PPP2R2A: variants seen among roughly 807,000 people sequenced by gnomAD.
PPP2R2A encodes serine/threonine-protein phosphatase 2A 55 kDa regulatory subunit B alpha isoform.
Under a neutral mutation model 53.2 loss-of-function variants are expected in PPP2R2A, and 9 were observed. The observed-to-expected ratio is 0.17, with a 90% confidence interval of 0.10 to 0.30. The LOEUF is 0.30. Ranked by LOEUF, PPP2R2A falls within the 10% of genes least tolerant of loss-of-function variation. The pLI, the probability that PPP2R2A is intolerant of heterozygous loss-of-function variation, is 1.00. For missense variants in PPP2R2A, 235 were observed against 534.6 expected (o/e 0.44, Z 5.53); for synonymous variants, 169 against 174.2 (o/e 0.97, Z 0.23).
chr8:26,358,401 T>C (rs1804904082), intron 4 of PPP2R2A, among the ~76,000 whole-genome samples: 1 of 152,186 alleles, frequency 6.6e-6, no homozygotes, highest in South Asian at 2.1e-4. Flanking sequence ...ATAAATCATA[T>C]ACATATATAA....
intron 9 of PPP2R2A, among the ~76,000 whole-genome samples, chr8:26,369,326 AAGGG>A (rs1805546522): frequency 6.6e-6 from 1 of 151,702 alleles, no homozygotes. Context: ...TCCCGGGTTC[AAGGG>A]ATTCTCCTGC....
chr8:26,364,292 T>C (rs1805259366), intron 8 of PPP2R2A, among the ~76,000 whole-genome samples: 1 of 152,180 alleles, frequency 6.6e-6, no homozygotes, highest in Admixed American at 6.5e-5. Context: ...GAGATTAAAT[T>C]TGGTGTGCCA....
chr8:26,349,723 C>T (rs980071367), intron 3 of PPP2R2A, among the ~76,000 whole-genome samples: 3 of 152,272 alleles, frequency 2.0e-5, no homozygotes, highest in South Asian at 2.1e-4. Context: ...CTTCTCTTTT[C>T]CCTTCCTCTC....
rs992445655 is a variant in PPP2R2A, at chr8:26,350,991, AAAAACAAAAC to A, written c.181-3464_181-3455del. Reference sequence around the variant, plus strand: ...ATATAGCAAGACCTCATCTTTTTTAAAAAACAAAACAAAACAAAACAAGAAAACCCACACA... The same window carrying A: ...ATATAGCAAGACCTCATCTTTTTTAAAAAACAAAACAAGAAAACCCACACA... On this transcript the variant is annotated intron_variant, in intron 3 of 9. Transcript: ENST00000380737. Among the ~76,000 whole-genome samples, 1,070 of 152,230 alleles carry A rather than the reference AAAAACAAAAC, an allele frequency of 7.0e-3. 8 individuals are homozygous for A. The highest frequency in any genetic ancestry group is 0.024 in the African/African-American group (1,008 of 41,544).
intron 2 of PPP2R2A, among the ~76,000 whole-genome samples, chr8:26,307,265 A>G (rs1802065501): frequency 6.6e-6 from 1 of 152,242 alleles, no homozygotes; most frequent in Admixed American, 6.5e-5. Context: ...AAGATATACA[A>G]GTCTTTAAAA....
intron 2 of PPP2R2A, among the ~76,000 whole-genome samples, chr8:26,294,240 A>G (rs1338606568): frequency 6.6e-6 from 1 of 152,194 alleles, no homozygotes; most frequent in East Asian, 1.9e-4. Context: ...CTGTGAAGAG[A>G]TGATAGCTCA....
At chr8:26,320,964 G>A (rs1003666378) in intron 2 of PPP2R2A, among the ~76,000 whole-genome samples, 8 of 152,146 alleles carry the variant, frequency 5.3e-5, no homozygotes, top group African/African-American at 1.9e-4. Flanking sequence ...GACTTTGGGA[G>A]GAGGATGGTT....
At chr8:26,356,304 A>G (rs1475459628) in intron 4 of PPP2R2A, among the ~76,000 whole-genome samples, 1 of 152,314 alleles carries the variant, frequency 6.6e-6, no homozygotes, top group East Asian at 1.9e-4. Context: ...CAAATGCCTG[A>G]TGGCCATCAG....
chr8:26,346,926 C>T (rs1242169387), intron 3 of PPP2R2A, among the ~76,000 whole-genome samples: 3 of 152,134 alleles, frequency 2.0e-5, no homozygotes, highest in African/African-American at 4.8e-5. Flanking sequence ...TGAAATCAGG[C>T]GCCTCAAATG....
chr8:26,348,510 A>G (rs530177705), intron 3 of PPP2R2A, among the ~76,000 whole-genome samples: 18 of 152,336 alleles, frequency 1.2e-4, no homozygotes, highest in Admixed American at 8.5e-4. Context: ...AGGTATATAC[A>G]AAACCACTGA....
chr8:26,361,296 G>A, intron 6 of PPP2R2A, 145 bp downstream of exon 6: 1 of 662,082 alleles, frequency 1.5e-6, no homozygotes, highest in Non-Finnish European at 2.3e-6. Flanking sequence ...CTTTGTAGAT[G>A]AGTAATGAAA....
chr8:26,291,781 C>T lies in PPP2R2A; in HGVS notation c.-39C>T. 1 of 1,594,610 alleles carries T rather than the reference C, an allele frequency of 6.3e-7. No homozygotes were observed. The highest frequency in any genetic ancestry group is 8.5e-7 in the Non-Finnish European group (1 of 1,171,684). On this transcript the variant is annotated 5_prime_UTR_variant, in exon 1 of 10. Coordinates refer to ENST00000380737, the MANE Select transcript of PPP2R2A (RefSeq NM_002717.4). ...GGGGGGTGAGTTCAGGAAGCGGAGACCCCGAGGAACCCAGCAGGGTCACCA... is the reference window on the plus strand; with the variant it reads ...GGGGGGTGAGTTCAGGAAGCGGAGATCCCGAGGAACCCAGCAGGGTCACCA...
In PPP2R2A at chr8:26,298,599, C is replaced by T. The variant is rs148273682; in HGVS notation, c.82+4859C>T. 9.2e-5 allele frequency: 14 copies of T among 152,310 alleles called. No homozygotes were observed. The East Asian group carries it at 2.7e-3, about 29-fold the overall frequency. 9.4% of individuals were successfully genotyped at this position (152,310 alleles called of 1,614,324 possible). The stretch of plus-strand genomic sequence containing the variant: ...CAGTAGTGCTCTGCAGTGTTTATTT[C>T]ATCCTCAAGGTAATACAGTAATTGC... On this transcript the variant is annotated intron_variant, in intron 2 of 9. Transcript: ENST00000380737.
At chr8:26,312,232 G>A (rs1396379135) in intron 2 of PPP2R2A, among the ~76,000 whole-genome samples, 1 of 152,204 alleles carries the variant, frequency 6.6e-6, no homozygotes, top group African/African-American at 2.4e-5. Flanking sequence ...TTATTCAGAA[G>A]TGTGCTGTTT....
intron 2 of PPP2R2A, among the ~76,000 whole-genome samples, chr8:26,317,182 G>C (rs1031732164): frequency 6.6e-6 from 1 of 152,156 alleles, no homozygotes; most frequent in Non-Finnish European, 1.5e-5. Context: ...AGCCACAGGA[G>C]CTTTCTTGAG....
intron 1 of PPP2R2A, chr8:26,292,084 G>A (rs1315229127): frequency 8.9e-7 from 1 of 1,129,248 alleles, no homozygotes; most frequent in African/African-American, 1.7e-5. Flanking sequence ...CGAGCTTGGG[G>A]TGAGGCGTGG....
At chr8:26,361,233 T>G in intron 6 of PPP2R2A, 82 bp downstream of exon 6, 1 of 1,386,700 alleles carries the variant, frequency 7.2e-7, no homozygotes, top group Non-Finnish European at 9.7e-7. Context: ...TCCTAATGAA[T>G]TTGGTTGCTT....
intron 4 of PPP2R2A, among the ~76,000 whole-genome samples, chr8:26,356,410 A>G (rs1232514958): frequency 6.6e-6 from 1 of 152,202 alleles, no homozygotes; most frequent in East Asian, 1.9e-4. Flanking sequence ...CTGTTTTCAC[A>G]ATAGACTGCA....
chr8:26,350,983 C>CT (rs1033885062), intron 3 of PPP2R2A, among the ~76,000 whole-genome samples: 1 of 151,990 alleles, frequency 6.6e-6, no homozygotes, highest in Non-Finnish European at 1.5e-5. Context: ...AAGACCTCAT[C>CT]TTTTTTAAAA....
Sources: allele counts gnomAD v4.1 joint callset (sites outside exome capture counted in the v4.1 genomes callset), GRCh38; gene constraint gnomAD v4.1.1; transcripts MANE v1.5; gene names NCBI Gene and HGNC (gene_info 2026-07-23, HGNC 2026-07-21).